Variants in PARD3 observed in about 807,000 individuals in gnomAD.
PARD3 encodes the protein partitioning defective 3 homolog.
In PARD3, 75 loss-of-function variants were observed where a neutral mutation model predicts 155.4. That is an observed-to-expected ratio of 0.48 (90% CI 0.40 to 0.58). The LOEUF (loss-of-function observed/expected upper bound fraction) is 0.58, where lower values mean the gene tolerates loss of function less well. Among genes scored for constraint, PARD3 ranks in the 20% least tolerant of loss-of-function variants. The pLI, the probability that PARD3 is intolerant of heterozygous loss-of-function variation, is 0.00. For synonymous variants in PARD3, 576 were observed against 610.5 expected (o/e 0.94, Z 0.83); for missense variants, 1,642 against 1,721.7 (o/e 0.95, Z 0.82).
At chr10:34,418,262 C>T (rs1227808466) in intron 5 of PARD3, among the ~76,000 whole-genome samples, 3 of 152,056 alleles carry the variant, frequency 2.0e-5, no homozygotes, top group Non-Finnish European at 4.4e-5. Context: ...GCATACTCGA[C>T]CTCCTGGGTT....
intron 22 of PARD3, among the ~76,000 whole-genome samples, chr10:34,249,252 T>A (rs1954145708): frequency 6.6e-6 from 1 of 152,144 alleles, no homozygotes; most frequent in Non-Finnish European, 1.5e-5. Context: ...CTTCAAGCAA[T>A]CCTCCCACCT....
chr10:34,522,700 C>T (rs894550465), intron 2 of PARD3, among the ~76,000 whole-genome samples: 4 of 152,164 alleles, frequency 2.6e-5, no homozygotes, highest in Non-Finnish European at 5.9e-5. Flanking sequence ...GCATGTTCAA[C>T]ATAGATATGG....
intron 5 of PARD3, among the ~76,000 whole-genome samples, chr10:34,433,934 G>C (rs1046941812): frequency 1.2e-4 from 18 of 152,278 alleles, no homozygotes; most frequent in East Asian, 7.7e-4. Flanking sequence ...TAAAAACTCA[G>C]AGGAACAGAT....
At chr10:34,570,033 C>T (rs911875159) in intron 2 of PARD3, among the ~76,000 whole-genome samples, 2 of 152,058 alleles carry the variant, frequency 1.3e-5, no homozygotes, top group Non-Finnish European at 2.9e-5. Flanking sequence ...TAGGCTCAGA[C>T]AAAATTTTCT....
chr10:34,582,069 A>G lies in PARD3; in HGVS notation c.223-64910T>C, dbSNP rs77669100. 1.4e-3 allele frequency among the ~76,000 whole-genome samples: 210 copies of G among 152,368 alleles called. 1 individual carries two copies. Among genetic ancestry groups the G allele is most frequent in the African/African-American group, 4.5e-3 (187 of 41,596 alleles). ...CCAAAGAATTCCCCGGCAGAAACAT[A>G]AAGACTTGCTGAAGTTTCATCATGT... On this transcript the variant is annotated intron_variant, in intron 2 of 24. Coordinates refer to ENST00000374788, the MANE Select transcript of PARD3 (RefSeq NM_001184785.2).
rs376377598 is a variant in PARD3, at chr10:34,360,060, T to C, written c.1896+11A>G. On this transcript the variant is annotated intron_variant, in intron 13 of 24. Coordinates refer to ENST00000374788, the MANE Select transcript of PARD3 (RefSeq NM_001184785.2). Reference sequence around the variant, plus strand: ...GTTAATAGGCATACGCATGATAAAGTTGACACTCACTTTAGATGCTGCTCC... The same window carrying C: ...GTTAATAGGCATACGCATGATAAAGCTGACACTCACTTTAGATGCTGCTCC... 5 of 1,609,056 alleles carry C rather than the reference T, an allele frequency of 3.1e-6. No homozygotes were observed. Among genetic ancestry groups the C allele is most frequent in the African/African-American group, 2.7e-5 (2 of 74,808 alleles).
intron 2 of PARD3, among the ~76,000 whole-genome samples, chr10:34,649,940 C>A (rs2092955847): frequency 6.6e-6 from 1 of 151,288 alleles, no homozygotes; most frequent in Non-Finnish European, 1.5e-5. Context: ...CACACACACA[C>A]ACACATTAGC....
chr10:34,161,562 T>C (rs1949281715), intron 22 of PARD3, among the ~76,000 whole-genome samples: 1 of 152,152 alleles, frequency 6.6e-6, no homozygotes, highest in African/African-American at 2.4e-5. Flanking sequence ...ACTTGACCTC[T>C]GAAGAACCTC....
At chr10:34,694,000 AAAC>A (rs1006857631) in intron 2 of PARD3, among the ~76,000 whole-genome samples, 5 of 152,198 alleles carry the variant, frequency 3.3e-5, no homozygotes, top group East Asian at 3.9e-4. Context: ...TGAAAATCTC[AAAC>A]AACAGTGATA....
chr10:34,776,691 A>C (rs1265603620), intron 1 of PARD3, among the ~76,000 whole-genome samples: 1 of 152,126 alleles, frequency 6.6e-6, no homozygotes, highest in East Asian at 1.9e-4. Context: ...CAACAGAAGA[A>C]TCTTCAAACT....
intron 2 of PARD3, among the ~76,000 whole-genome samples, chr10:34,657,835 A>AGCC (rs201518424): frequency 0.012 from 1,791 of 151,750 alleles, 46 homozygotes; most frequent in African/African-American, 0.04. Flanking sequence ...CACCACACCT[A>AGCC]GCCACTTCTC....
intron 14 of PARD3, among the ~76,000 whole-genome samples, chr10:34,354,416 C>T (rs1344583850): frequency 6.6e-6 from 1 of 151,608 alleles, no homozygotes; most frequent in Non-Finnish European, 1.5e-5. Context: ...GGTTGCTCTT[C>T]GTCATTCAGC....
intron 1 of PARD3, among the ~76,000 whole-genome samples, chr10:34,776,854 G>T: frequency 7.4e-6 from 1 of 135,214 alleles, no homozygotes; most frequent in East Asian, 2.4e-4. Flanking sequence ...GGGGCGGGTG[G>T]GGGATGGAGT....
chr10:34,708,267 G>GAAA (rs36035625), intron 1 of PARD3, among the ~76,000 whole-genome samples: 3 of 138,006 alleles, frequency 2.2e-5, no homozygotes. Flanking sequence ...ATCTTTAAAG[G>GAAA]AAAAAAAAAA....
chr10:34,504,684 T>C (rs1330486240), intron 3 of PARD3, among the ~76,000 whole-genome samples: 2 of 152,164 alleles, frequency 1.3e-5, no homozygotes, highest in East Asian at 3.9e-4. Flanking sequence ...CCTTGCTGGC[T>C]TGTGGGCAGC....
chr10:34,573,582 C>T (rs2086609588), intron 2 of PARD3, among the ~76,000 whole-genome samples: 1 of 152,122 alleles, frequency 6.6e-6, no homozygotes, highest in Admixed American at 6.5e-5. Context: ...CGGCAGGCAC[C>T]TGTAGTACCA....
intron 22 of PARD3, among the ~76,000 whole-genome samples, chr10:34,252,393 C>T (rs1187213810): frequency 2.1e-5 from 3 of 145,580 alleles, no homozygotes; most frequent in East Asian, 3.9e-4. Context: ...GTTATCTCCT[C>T]GTCCTTCCTC....
intron 22 of PARD3, among the ~76,000 whole-genome samples, chr10:34,145,991 T>C (rs189067156): frequency 4.6e-5 from 7 of 152,282 alleles, no homozygotes; most frequent in Admixed American, 1.3e-4. Flanking sequence ...GGCAATTCCA[T>C]GTCTTCCGAA....
chr10:34,640,408 G>A (rs1693570311), intron 2 of PARD3, among the ~76,000 whole-genome samples: 1 of 152,148 alleles, frequency 6.6e-6, no homozygotes, highest in South Asian at 2.1e-4. Context: ...CCTGAGGTCA[G>A]GAGTTTGAAA....
Sources: allele counts gnomAD v4.1 joint callset (sites outside exome capture counted in the v4.1 genomes callset), GRCh38; gene constraint gnomAD v4.1.1; transcripts MANE v1.5; gene names NCBI Gene and HGNC (gene_info 2026-07-23, HGNC 2026-07-21).